Variants in PIBF1 observed in about 807,000 individuals in gnomAD.
The protein encoded by PIBF1 is progesterone-induced-blocking factor 1.
A neutral mutation model predicts 112.5 loss-of-function variants in PIBF1; 90 were observed. That is an observed-to-expected ratio of 0.80 (90% CI 0.67 to 0.95). The LOEUF is 0.95. Ranked by LOEUF, PIBF1 falls within the 40% of genes least tolerant of loss-of-function variation. The pLI, the probability that PIBF1 is intolerant of heterozygous loss-of-function variation, is 0.00. For missense variants in PIBF1, 915 were observed against 852.3 expected (o/e 1.07, Z -0.92); for synonymous variants, 301 against 288.6 (o/e 1.04, Z -0.44).
At chr13:72,851,136 A>C (rs1186080549) in intron 9 of PIBF1, among the ~76,000 whole-genome samples, 3 of 152,186 alleles carry the variant, frequency 2.0e-5, no homozygotes, top group Non-Finnish European at 2.9e-5. Flanking sequence ...CCAGGGCTGC[A>C]TGCTCCACTG....
chr13:72,829,214 CCTGTT>C (rs1051461678), intron 8 of PIBF1, among the ~76,000 whole-genome samples: 8 of 152,258 alleles, frequency 5.3e-5, no homozygotes, highest in Middle Eastern at 6.8e-3. Flanking sequence ...AAAATTTTCT[CCTGTT>C]CTGGAGTTTG....
chr13:72,785,206 G>C (rs866556333), intron 2 of PIBF1, among the ~76,000 whole-genome samples: 103 of 152,264 alleles, frequency 6.8e-4, no homozygotes, highest in African/African-American at 2.4e-3. Context: ...AGACGTATTA[G>C]CCGTTGTTGT....
rs187136219 is a variant in PIBF1, at chr13:72,922,276, C to T, written c.1730+5110C>T. Among the ~76,000 whole-genome samples the T allele has an allele frequency of 8.4e-4, 128 of 152,270 alleles. 1 individual carries two copies. Among genetic ancestry groups the T allele is most frequent in the African/African-American group, 2.8e-3 (117 of 41,548 alleles). ...TATAGGCATGAGTCACCACACCCAG[C>T]CTATTTTTTAAAACTCTTTCTGGGA... On this transcript the variant is annotated intron_variant, in intron 13 of 17. Transcript: ENST00000326291.
chr13:72,927,949 A>ATATATATG (rs1316026242), intron 13 of PIBF1, among the ~76,000 whole-genome samples: 2 of 72,368 alleles, frequency 2.8e-5, no homozygotes, highest in African/African-American at 1.2e-4. Flanking sequence ...ATGTGTGTAT[A>ATATATATG]TATATATATA....
chr13:72,785,160 A>G (rs1485023455), intron 2 of PIBF1, among the ~76,000 whole-genome samples: 2 of 152,070 alleles, frequency 1.3e-5, no homozygotes, highest in Non-Finnish European at 2.9e-5. Flanking sequence ...GTTTCAATAT[A>G]CAAATTTTGA....
At chr13:72,844,764 C>CGGATGA (rs368403113) in intron 9 of PIBF1, among the ~76,000 whole-genome samples, 11 of 107,938 alleles carry the variant, frequency 1.0e-4, no homozygotes, top group African/African-American at 2.0e-4. Context: ...CACACACACA[C>CGGATGA]ACACACACAC....
chr13:72,787,216 G>A (rs2034647838), intron 2 of PIBF1, among the ~76,000 whole-genome samples: 1 of 152,074 alleles, frequency 6.6e-6, no homozygotes, highest in African/African-American at 2.4e-5. Flanking sequence ...GTATAAATTG[G>A]TATGTGACAT....
intron 6 of PIBF1, among the ~76,000 whole-genome samples, chr13:72,824,575 G>A (rs1401393822): frequency 3.3e-5 from 5 of 152,046 alleles, no homozygotes; most frequent in East Asian, 3.9e-4. Context: ...TTGGGAAAGA[G>A]GATCTTTATG....
intron 8 of PIBF1, among the ~76,000 whole-genome samples, chr13:72,830,427 CTTA>C (rs1202903829): frequency 1.3e-5 from 2 of 151,992 alleles, no homozygotes; most frequent in Non-Finnish European, 2.9e-5. Flanking sequence ...ATAACTAGCT[CTTA>C]TTATTTTGAG....
At chr13:72,943,192 C>T (rs1256525118) in intron 14 of PIBF1, among the ~76,000 whole-genome samples, 1 of 151,786 alleles carries the variant, frequency 6.6e-6, no homozygotes, top group Non-Finnish European at 1.5e-5. Flanking sequence ...ATAATAGTCA[C>T]CAGAACCTGG....
intron 10 of PIBF1, among the ~76,000 whole-genome samples, chr13:72,886,929 C>T (rs139248492): frequency 0.011 from 1,729 of 151,872 alleles, 34 homozygotes; most frequent in African/African-American, 0.04. Context: ...ATCATTGTTG[C>T]GACATTAATG....
intron 16 of PIBF1, among the ~76,000 whole-genome samples, chr13:72,984,886 C>A (rs2043237686): frequency 6.6e-6 from 1 of 152,032 alleles, no homozygotes; most frequent in Admixed American, 6.6e-5. Context: ...TGCATATATA[C>A]CCTTTTAATT....
intron 14 of PIBF1, among the ~76,000 whole-genome samples, chr13:72,932,238 C>G (rs1256547944): frequency 6.6e-6 from 1 of 151,950 alleles, no homozygotes; most frequent in African/African-American, 2.4e-5. Flanking sequence ...CCACTGCACC[C>G]AGCCAAGAAG....
intron 10 of PIBF1, among the ~76,000 whole-genome samples, chr13:72,891,636 GA>G (rs1191610588): frequency 2.0e-5 from 3 of 151,998 alleles, no homozygotes; most frequent in Admixed American, 2.0e-4. Context: ...AACCCTGTTG[GA>G]AAAAAGTTGG....
At chr13:72,796,756 T>C (rs1181939953) in intron 4 of PIBF1, among the ~76,000 whole-genome samples, 1 of 152,048 alleles carries the variant, frequency 6.6e-6, no homozygotes, top group Non-Finnish European at 1.5e-5. Context: ...TCATTTACAG[T>C]AGATATAAAG....
chr13:72,819,054 T>C (rs1317295565), intron 5 of PIBF1, among the ~76,000 whole-genome samples: 3 of 152,080 alleles, frequency 2.0e-5, no homozygotes, highest in Non-Finnish European at 4.4e-5. Context: ...ACAAATCTAC[T>C]CACATCTGCA....
intron 16 of PIBF1, among the ~76,000 whole-genome samples, chr13:72,991,543 T>A (rs1416079315): frequency 6.6e-6 from 1 of 152,136 alleles, no homozygotes; most frequent in Non-Finnish European, 1.5e-5. Flanking sequence ...TTCTGCAAGT[T>A]AGTATAAAAG....
intron 8 of PIBF1, among the ~76,000 whole-genome samples, chr13:72,829,869 C>T (rs533148868): frequency 1.3e-5 from 2 of 152,238 alleles, no homozygotes; most frequent in South Asian, 4.1e-4. Flanking sequence ...TTACTTTGGG[C>T]AGTATGGCCA....
At chr13:72,852,371 G>A (rs927943719) in intron 9 of PIBF1, among the ~76,000 whole-genome samples, 1 of 152,210 alleles carries the variant, frequency 6.6e-6, no homozygotes, top group Non-Finnish European at 1.5e-5. Flanking sequence ...GCCTGGAGCC[G>A]CCTACCCCAC....
Sources: allele counts gnomAD v4.1 joint callset (sites outside exome capture counted in the v4.1 genomes callset), GRCh38; gene constraint gnomAD v4.1.1; transcripts MANE v1.5; gene names NCBI Gene and HGNC (gene_info 2026-07-23, HGNC 2026-07-21).